The following CYB561 variants were observed in gnomAD, a reference collection of about 807,000 sequenced individuals.
The protein encoded by CYB561 is cytochrome b561.
In CYB561, 11 loss-of-function variants were observed where a neutral mutation model predicts 25.3. The ratio of observed to expected loss-of-function variants is 0.44; its 90% CI spans 0.27 to 0.72. The LOEUF (loss-of-function observed/expected upper bound fraction) is 0.72, where lower values mean the gene tolerates loss of function less well. Among genes scored for constraint, CYB561 ranks in the 30% least tolerant of loss-of-function variants. The pLI is 0.18. For synonymous variants in CYB561, 165 were observed against 158.8 expected (o/e 1.04, Z -0.29); for missense variants, 295 against 334.9 (o/e 0.88, Z 0.93).
Position 63,435,088 on chromosome 17 carries a change from G to A in CYB561, c.561C>T (p.Leu187=), listed in dbSNP as rs144041303. The A allele has an allele frequency of 3.7e-4, 597 of 1,612,990 alleles. No individual in the cohort carries two copies. Among genetic ancestry groups the A allele is most frequent in the Non-Finnish European group, 4.6e-4 (542 of 1,179,416 alleles). Residue 187 remains leucine (L), a splice_region_variant and synonymous_variant, in exon 5 of 6, where the codon CTC becomes CTT. Transcript: ENST00000360793. The part of the protein sequence containing the change: ...LGLKEALLFN[L]GGKYSAFEPE... ...CCTCTCCCACCCAGGACACTCACCC[G>A]AGGTTGAACAGCAGTGCCTCCTTCA...
chr17:63,442,317 T>A (rs569278704), intron 1 of CYB561, among the ~76,000 whole-genome samples: 2 of 152,190 alleles, frequency 1.3e-5, no homozygotes, highest in East Asian at 3.9e-4. Context: ...GAGGTGGGGG[T>A]GTACAGGGAT....
At position 63,435,177 on chromosome 17, in the gene CYB561, G is replaced by A. The variant is rs1490357765; in HGVS notation, c.472C>T (p.Pro158Ser). Reference protein sequence around the residue: ...ASFSLRSRYRPQHIFFGATIF... With the variant: ...ASFSLRSRYRSQHIFFGATIF... ...GTAGCACCAAAGAAGATGTGCTGTGGGCGGTAGCGGCTCCGCAGGGAGAAT... is the reference window on the plus strand; with the variant it reads ...GTAGCACCAAAGAAGATGTGCTGTGAGCGGTAGCGGCTCCGCAGGGAGAAT... Residue 158 changes from proline to serine, a missense_variant, in exon 5 of 6, where the codon CCA (proline) becomes TCA (serine). Coordinates refer to ENST00000360793, the MANE Select transcript of CYB561 (RefSeq NM_001915.4). 1 of 1,614,224 alleles carries A rather than the reference G, an allele frequency of 6.2e-7. No individual in the cohort carries two copies. Among genetic ancestry groups the A allele is most frequent in the Non-Finnish European group, 8.5e-7 (1 of 1,180,036 alleles).
At chr17:63,435,520 G>GGCCGCCAATCCTA (rs2049287057) in intron 4 of CYB561, 168 bp downstream of exon 4, 1 of 717,002 alleles carries the variant, frequency 1.4e-6, no homozygotes, top group East Asian at 2.7e-5. Flanking sequence ...GGGCACCCTT[G>GGCCGCCAATCCTA]GCCGCCAATC....
intron 1 of CYB561, chr17:63,442,874 G>A (rs927379006): frequency 1.3e-5 from 2 of 152,280 alleles, no homozygotes; most frequent in African/African-American, 2.4e-5. Context: ...TGCCCACTGC[G>A]TTTTATTAAA....
At chr17:63,446,350 G>A (rs557096190), upstream of CYB561, 1 of 152,000 alleles carries the variant, frequency 6.6e-6, no homozygotes, top group African/African-American at 2.4e-5. Context: ...CCGGGCGGCG[G>A]GCTGGGCGGT....
At position 63,434,352 on chromosome 17, in the gene CYB561, A is replaced by C; in HGVS notation, c.*50T>G. 3 of 1,472,942 alleles carry C rather than the reference A, an allele frequency of 2.0e-6. No homozygotes were observed. Among genetic ancestry groups the C allele is most frequent in the Non-Finnish European group, 2.7e-6 (3 of 1,099,516 alleles). 91.2% of individuals were successfully genotyped at this position (1,472,942 alleles called of 1,614,324 possible). ...CCTGCAGTCCTGAAGACGCCTCAGCAGGGGCAGGCAAGAAGACACCCCGCG... is the reference window on the plus strand; with the variant it reads ...CCTGCAGTCCTGAAGACGCCTCAGCCGGGGCAGGCAAGAAGACACCCCGCG... On this transcript the variant is annotated 3_prime_UTR_variant, in exon 6 of 6. Transcript: ENST00000360793.
chr17:63,435,607 A>C, intron 4 of CYB561, 81 bp downstream of exon 4: 1 of 1,100,736 alleles, frequency 9.1e-7, no homozygotes, highest in Non-Finnish European at 1.4e-6. Flanking sequence ...CCCTTCCATG[A>C]GGTACATTTC....
upstream of CYB561, chr17:63,446,453 T>C (rs2049425199): frequency 6.6e-6 from 1 of 151,466 alleles, no homozygotes; most frequent in Admixed American, 6.6e-5. Context: ...GACCGGGCCC[T>C]GCCAGCTCCG....
Position 63,432,629 on chromosome 17 carries a change from C to G in CYB561, c.*1773G>C, listed in dbSNP as rs1386532016. 1 of 152,212 alleles carries G rather than the reference C, an allele frequency of 6.6e-6. No individual in the cohort carries two copies. The highest frequency in any genetic ancestry group is 1.5e-5 in the Non-Finnish European group (1 of 68,076). The allele number at this position is 152,212 out of a possible 1,614,324, so 9.4% of individuals were successfully genotyped here. A position where few individuals can be genotyped will look rare whatever the true frequency, so the allele number is the denominator to read the frequency against. On this transcript the variant is annotated 3_prime_UTR_variant, in exon 6 of 6. Transcript: ENST00000360793. ...CAGCTGATTGAAGAACTGACGGCAC[C>G]CCTACCCCTGAAGAGTGTACAGTCT...
At chr17:63,439,198 C>T (rs1325459870) in intron 1 of CYB561, 2 of 152,510 alleles carry the variant, frequency 1.3e-5, no homozygotes, top group Non-Finnish European at 2.9e-5. Context: ...CCAGTTCTCT[C>T]TGCCACATCG....
chr17:63,442,079 C>G (rs2049380799), intron 1 of CYB561, among the ~76,000 whole-genome samples: 1 of 152,222 alleles, frequency 6.6e-6, no homozygotes, highest in South Asian at 2.1e-4. Flanking sequence ...TCTGGAATGA[C>G]AGCAGCCTGC....
intron 1 of CYB561, chr17:63,437,988 G>A (rs1453764870): frequency 2.5e-5 from 3 of 121,386 alleles, no homozygotes; most frequent in East Asian, 5.3e-4. Flanking sequence ...ACCCTCCCCC[G>A]AGGCTCCCGC....
intron 1 of CYB561, among the ~76,000 whole-genome samples, chr17:63,441,820 G>A (rs890250250): frequency 1.6e-4 from 24 of 152,220 alleles, no homozygotes; most frequent in African/African-American, 3.4e-4. Context: ...GGAAGCTCCC[G>A]GGCGGTGCCC....
In CYB561 at chr17:63,434,510, G is replaced by C; in HGVS notation, c.648C>G (p.Leu216=). 1 of 1,613,548 alleles carries C rather than the reference G, an allele frequency of 6.2e-7. No homozygotes were observed. The highest frequency in any genetic ancestry group is 8.5e-7 in the Non-Finnish European group (1 of 1,179,918). ...TCCAGTCGGCCCGGGTCAAGATGTA[G>C]AGCACCGCCCCACCGAAGCAGGCCA... The part of the protein sequence containing the change: ...LLLACFGGAV[L]YILTRADWKR... The change falls in exon 6 of 6, where the codon CTC becomes CTG. Residue 216 remains leucine, a synonymous_variant. Coordinates refer to ENST00000360793, the MANE Select transcript of CYB561 (RefSeq NM_001915.4).
At chr17:63,439,555 A>G in intron 1 of CYB561, among the ~76,000 whole-genome samples, 1 of 151,854 alleles carries the variant, frequency 6.6e-6, no homozygotes. Context: ...TTTTAATTAA[A>G]AAAAAAAGGG....
rs537558729 is a variant in CYB561, at chr17:63,436,426, G to A, written c.203-274C>T. The A allele has an allele frequency of 5.1e-4, 205 of 400,264 alleles. 2 individuals are homozygous for A. The highest frequency in any genetic ancestry group is 3.6e-3 in the African/African-American group (179 of 49,312). The allele number at this position is 400,264 out of a possible 1,614,324, so 24.8% of individuals were successfully genotyped here. ...GTGCACAAAGAGGGCAGGGCCGGAG[G>A]CTGCACCACAGTCCCCACCACCAGG... On this transcript the variant is annotated intron_variant, in intron 2 of 5. Transcript: ENST00000360793. This position sits in a 1 kb window ranked among gnomAD's most constrained non-coding sequence, Gnocchi z 4.8.
In CYB561 at chr17:63,435,120, G is replaced by A; in HGVS notation, c.529C>T (p.Leu177=). The change falls in exon 5 of 6, where the codon CTG becomes TTG. Residue 177 remains leucine (L), a synonymous_variant. Transcript: ENST00000360793. ...IFLLSVGTAL[L]GLKEALLFNL... ...AACAGCAGTGCCTCCTTCAGGCCCA[G>A]CAGGGCGGTGCCCACGGAAAGGAGG... 1.9e-6 allele frequency: 3 copies of A among 1,614,112 alleles called. No homozygotes were observed. Among genetic ancestry groups the A allele is most frequent in the Non-Finnish European group, 1.7e-6 (2 of 1,180,012 alleles).
Position 63,444,127 on chromosome 17 carries a change from C to T in CYB561, c.-14+2118G>A, listed in dbSNP as rs369134719. 7.4e-4 allele frequency among the ~76,000 whole-genome samples: 112 copies of T among 152,274 alleles called. 2 individuals carry two copies. In the South Asian group the frequency reaches 0.023, roughly 31 times the overall value. ...GACTCCCCGAGTCTGGGATTACAGG[C>T]GTGCTCCACGATGCCTGGCTAATTT... On this transcript the variant is annotated intron_variant, in intron 1 of 5. Transcript: ENST00000360793.
rs2049299754 is a variant in CYB561 at position 63,436,289 on chromosome 17, A to G, written c.203-137T>C. The G allele has an allele frequency of 7.8e-6, 9 of 1,159,666 alleles. No individual in the cohort carries two copies. The highest frequency in any genetic ancestry group is 1.1e-5 in the Non-Finnish European group (9 of 832,488). The allele number at this position is 1,159,666 out of a possible 1,614,324, so 71.8% of individuals were successfully genotyped here. On this transcript the variant is annotated intron_variant, in intron 2 of 5. Transcript: ENST00000360793. The surrounding 1 kb of genome is among the most constrained non-coding windows in gnomAD (Gnocchi z 4.8). The stretch of plus-strand genomic sequence containing the variant: ...ACAGGAGCCTAGCTGCAGGAACCGG[A>G]GGAGAAAGCCAGGTTCCCTGGGGAC...
Sources: gnomAD v4.1 joint callset for allele counts (sites outside exome capture counted in the v4.1 genomes callset) on GRCh38, gnomAD v4.1.1 for gene constraint, Gnocchi (gnomAD v3.1) non-coding constraint, MANE v1.5 for transcripts, NCBI Gene and HGNC (gene_info 2026-07-23, HGNC 2026-07-21) for gene names.